Variants in AGBL4 observed in about 807,000 individuals in gnomAD.
AGBL4 encodes AGBL carboxypeptidase 4, also known as cytosolic carboxypeptidase 6.
In AGBL4, 58 loss-of-function variants were observed where a neutral mutation model predicts 66.4. The ratio of observed to expected loss-of-function variants is 0.87; its 90% CI spans 0.71 to 1.09. The LOEUF (loss-of-function observed/expected upper bound fraction) is 1.09, where lower values mean the gene tolerates loss of function less well. AGBL4 is among the 50% of genes least tolerant of loss of function. The pLI, the probability that AGBL4 is intolerant of heterozygous loss-of-function variation, is 0.00. For synonymous variants in AGBL4, 234 were observed against 222.9 expected (o/e 1.05, Z -0.44); for missense variants, 579 against 631.0 (o/e 0.92, Z 0.88).
intron 1 of AGBL4, among the ~76,000 whole-genome samples, chr1:49,884,759 A>G (rs1032974558): frequency 2.6e-5 from 4 of 151,898 alleles, no homozygotes; most frequent in Non-Finnish European, 2.9e-5. Flanking sequence ...CCTTGCTGAC[A>G]TTGGTTCTAC....
At chr1:49,000,685 T>C (rs1385057996) in intron 5 of AGBL4, among the ~76,000 whole-genome samples, 1 of 152,206 alleles carries the variant, frequency 6.6e-6, no homozygotes, top group Non-Finnish European at 1.5e-5. Context: ...GTTCCCACTG[T>C]AGAAGACTAC....
intron 5 of AGBL4, among the ~76,000 whole-genome samples, chr1:49,025,915 C>T (rs1189406991): frequency 2.0e-5 from 3 of 152,090 alleles, no homozygotes; most frequent in Non-Finnish European, 4.4e-5. Context: ...TTGGCATTTG[C>T]TCAGAGAATG....
At chr1:49,304,408 T>G (rs1644812438) in intron 3 of AGBL4, among the ~76,000 whole-genome samples, 1 of 152,238 alleles carries the variant, frequency 6.6e-6, no homozygotes, top group Non-Finnish European at 1.5e-5. Context: ...TTTTATATTT[T>G]GTCTTATGAC....
intron 4 of AGBL4, among the ~76,000 whole-genome samples, chr1:49,099,493 C>T (rs1342081536): frequency 3.9e-5 from 6 of 152,158 alleles, no homozygotes; most frequent in Admixed American, 1.3e-4. Context: ...AGCTGCAAAA[C>T]AAGATCATTT....
At chr1:48,882,209 C>G (rs1400436028) in intron 5 of AGBL4, among the ~76,000 whole-genome samples, 1 of 152,188 alleles carries the variant, frequency 6.6e-6, no homozygotes, top group East Asian at 1.9e-4. Flanking sequence ...TGTGATCATG[C>G]TGCCCCTGTC....
rs140176419 is a variant in AGBL4, at chr1:49,358,622, C to T, written c.283-112758G>A. ...GAAATCATTTTCCTGTGAAACAGTTCGTTTGATTATTGGTTAGCGCTGAAC... is the reference window on the plus strand; with the variant it reads ...GAAATCATTTTCCTGTGAAACAGTTTGTTTGATTATTGGTTAGCGCTGAAC... On this transcript the variant is annotated intron_variant, in intron 3 of 13. Coordinates refer to ENST00000371839, the MANE Select transcript of AGBL4 (RefSeq NM_032785.4). Among the ~76,000 whole-genome samples, 94 of 151,968 alleles carry T rather than the reference C, an allele frequency of 6.2e-4. 1 individual carries two copies. In the East Asian group the frequency reaches 0.014, roughly 22 times the overall value.
intron 1 of AGBL4, among the ~76,000 whole-genome samples, chr1:50,006,834 A>G (rs1461827493): frequency 2.0e-5 from 3 of 152,234 alleles, no homozygotes; most frequent in African/African-American, 7.2e-5. Context: ...GGAGTTCTTC[A>G]GTTTAAAAGA....
chr1:49,967,057 C>G, intron 1 of AGBL4, among the ~76,000 whole-genome samples: 1 of 152,142 alleles, frequency 6.6e-6, no homozygotes, highest in Admixed American at 6.5e-5. Flanking sequence ...ATTTCTAGTT[C>G]TAGATCCTTG....
At chr1:48,965,730 C>A (rs1201164974) in intron 5 of AGBL4, among the ~76,000 whole-genome samples, 1 of 152,162 alleles carries the variant, frequency 6.6e-6, no homozygotes, top group East Asian at 1.9e-4. Flanking sequence ...CTGCATCTTT[C>A]ACTGTGGGTC....
intron 3 of AGBL4, among the ~76,000 whole-genome samples, chr1:49,267,182 T>A (rs1365772358): frequency 1.3e-5 from 2 of 152,216 alleles, no homozygotes; most frequent in African/African-American, 4.8e-5. Context: ...TTGAGCCACT[T>A]CCCAAAAGAT....
chr1:49,134,329 G>T (rs191810514), intron 4 of AGBL4, among the ~76,000 whole-genome samples: 7 of 152,240 alleles, frequency 4.6e-5, no homozygotes, highest in African/African-American at 1.4e-4. Context: ...CAGGGTTCAA[G>T]AGCAGAGAAC....
rs150565893 is a variant in AGBL4 at position 48,537,930 on chromosome 1, A to G, written c.1364+1712T>C. Among the ~76,000 whole-genome samples the G allele has an allele frequency of 1.4e-3, 209 of 152,288 alleles. 1 individual carries two copies. The highest frequency in any genetic ancestry group is 4.7e-3 in the African/African-American group (194 of 41,562). ...GCTTTAATCAGCCACTCATCCCAGC[A>G]CTTCCCTCCTGTCAGGGGCCTGGTA... On this transcript the variant is annotated intron_variant, in intron 12 of 13. Coordinates refer to ENST00000371839, the MANE Select transcript of AGBL4 (RefSeq NM_032785.4).
Position 49,743,704 on chromosome 1 carries a change from C to T in AGBL4, c.158-46267G>A, listed in dbSNP as rs368337904. On this transcript the variant is annotated intron_variant, in intron 2 of 13. Coordinates refer to ENST00000371839, the MANE Select transcript of AGBL4 (RefSeq NM_032785.4). ...TTAAGAAAATGTGGCACATATACACCATGGAATACTATGAAGCCATAAAAA... is the reference window on the plus strand; with the variant it reads ...TTAAGAAAATGTGGCACATATACACTATGGAATACTATGAAGCCATAAAAA... 9.9e-5 allele frequency among the ~76,000 whole-genome samples: 15 copies of T among 152,108 alleles called. No homozygotes were observed. The East Asian group carries it at 2.9e-3, about 29-fold the overall frequency.
intron 4 of AGBL4, among the ~76,000 whole-genome samples, chr1:49,112,853 C>T (rs911367942): frequency 1.1e-4 from 16 of 152,178 alleles, no homozygotes; most frequent in African/African-American, 3.6e-4. Flanking sequence ...AAGTCTTGAA[C>T]CCCTCATAGC....
chr1:49,072,233 G>T (rs1461201314), intron 4 of AGBL4, among the ~76,000 whole-genome samples: 2 of 152,100 alleles, frequency 1.3e-5, no homozygotes, highest in African/African-American at 2.4e-5. Flanking sequence ...GGGGCATTTA[G>T]CTCATTTACA....
At chr1:49,062,279 C>G (rs1322185893) in intron 4 of AGBL4, among the ~76,000 whole-genome samples, 1 of 152,204 alleles carries the variant, frequency 6.6e-6, no homozygotes, top group Non-Finnish European at 1.5e-5. Flanking sequence ...TTTGGTCTCA[C>G]TTCCTCTAGG....
intron 3 of AGBL4, among the ~76,000 whole-genome samples, chr1:49,683,781 A>G (rs1646739905): frequency 6.6e-6 from 1 of 152,220 alleles, no homozygotes. Flanking sequence ...CCAAATTTTT[A>G]TCTGAGTAAT....
At chr1:49,580,242 C>T (rs1043940983) in intron 3 of AGBL4, among the ~76,000 whole-genome samples, 48 of 152,002 alleles carry the variant, frequency 3.2e-4, no homozygotes, top group African/African-American at 9.4e-4. Flanking sequence ...AGCATATAGT[C>T]GGATCAAGTT....
chr1:49,509,236 C>T (rs992781052), intron 3 of AGBL4, among the ~76,000 whole-genome samples: 2 of 151,842 alleles, frequency 1.3e-5, no homozygotes, highest in African/African-American at 4.8e-5. Flanking sequence ...GGAGAGGAAA[C>T]ACACACAAAG....
Sources: allele counts gnomAD v4.1 joint callset (sites outside exome capture counted in the v4.1 genomes callset), GRCh38; gene constraint gnomAD v4.1.1; transcripts MANE v1.5; gene names NCBI Gene and HGNC (gene_info 2026-07-23, HGNC 2026-07-21).